Variants in AK9 observed in about 807,000 individuals in gnomAD.
AK9 encodes the protein adenylate kinase domain containing 1.
AK9 carries 191 observed loss-of-function variants against 239.6 expected under a neutral mutation model. That is an observed-to-expected ratio of 0.80 (90% CI 0.71 to 0.90). AK9 has a LOEUF of 0.90. Among genes scored for constraint, AK9 ranks in the 40% least tolerant of loss-of-function variants. The pLI, the probability that AK9 is intolerant of heterozygous loss-of-function variation, is 0.00. For synonymous variants in AK9, 689 were observed against 721.0 expected (o/e 0.96, Z 0.71); for missense variants, 1,995 against 2,214.7 (o/e 0.90, Z 1.99).
intron 8 of AK9, among the ~76,000 whole-genome samples, chr6:109,648,162 A>T (rs1042281539): frequency 2.0e-5 from 3 of 152,202 alleles, no homozygotes; most frequent in Non-Finnish European, 2.9e-5. Context: ...TGACACCCTA[A>T]CATCACAATT....
intron 1 of AK9, among the ~76,000 whole-genome samples, chr6:109,680,945 G>C (rs1772535217): frequency 2.0e-5 from 3 of 152,170 alleles, no homozygotes; most frequent in Non-Finnish European, 4.4e-5. Flanking sequence ...GCTCCTGAAG[G>C]AGGCACTAAA....
intron 28 of AK9, among the ~76,000 whole-genome samples, chr6:109,529,467 T>C (rs1780956192): frequency 6.6e-6 from 1 of 152,202 alleles, no homozygotes. Context: ...CCCAACCATT[T>C]TGGCATGAGG....
At chr6:109,615,538 T>C (rs1270422408) in intron 13 of AK9, among the ~76,000 whole-genome samples, 1 of 152,184 alleles carries the variant, frequency 6.6e-6, no homozygotes, top group Non-Finnish European at 1.5e-5. Context: ...TTTGAAGGTA[T>C]TATACTAAAA....
At chr6:109,509,121 A>C (rs1317822258) in intron 33 of AK9, 58 bp downstream of exon 33, 4 of 1,474,738 alleles carry the variant, frequency 2.7e-6, no homozygotes. Context: ...ATCACGAGCG[A>C]GCAGTTTCTT....
intron 21 of AK9, among the ~76,000 whole-genome samples, chr6:109,569,448 G>A (rs1787077353): frequency 6.6e-6 from 1 of 152,138 alleles, no homozygotes; most frequent in Non-Finnish European, 1.5e-5. Flanking sequence ...TTAAACTAAG[G>A]AGGTTCTGCC....
chr6:109,619,656 C>T (rs1030550264), intron 12 of AK9, among the ~76,000 whole-genome samples: 7 of 151,806 alleles, frequency 4.6e-5, no homozygotes, highest in African/African-American at 1.7e-4. Flanking sequence ...AGATATAGAA[C>T]ATTTGCCGGG....
intron 3 of AK9, among the ~76,000 whole-genome samples, chr6:109,673,432 A>G (rs75631525): frequency 0.047 from 7,130 of 152,030 alleles, 193 homozygotes; most frequent in South Asian, 0.089. Context: ...CTCTTTTCTT[A>G]TATTGTTTAT....
intron 38 of AK9, 45 bp downstream of exon 38, chr6:109,497,420 T>C (rs1777189705): frequency 2.5e-6 from 3 of 1,201,494 alleles, no homozygotes; most frequent in Non-Finnish European, 3.6e-6. Context: ...GCATGTTGCA[T>C]GCAACACAGA....
At position 109,529,000 on chromosome 6, in the gene AK9, A is replaced by C. The variant is rs1582854721; in HGVS notation, c.3633+11T>G. The C allele has an allele frequency of 1.2e-6, 2 of 1,600,956 alleles. No individual in the cohort carries two copies. The highest frequency in any genetic ancestry group is 4.5e-5 in the East Asian group (2 of 44,578). ...AGACCCTGTTTTGAAAAAAAAAACA[A>C]AACTACTTACCTCCCTCCTTTTTTT... On this transcript the variant is annotated intron_variant, in intron 29 of 40. Coordinates refer to ENST00000424296, the MANE Select transcript of AK9 (RefSeq NM_001145128.3).
intron 17 of AK9, among the ~76,000 whole-genome samples, chr6:109,601,491 A>C (rs1262519894): frequency 6.6e-6 from 1 of 152,136 alleles, no homozygotes; most frequent in African/African-American, 2.4e-5. Flanking sequence ...GTGCTTTACT[A>C]CTTCCAACTA....
At chr6:109,683,972 G>A (rs1773069158) in intron 1 of AK9, among the ~76,000 whole-genome samples, 1 of 152,186 alleles carries the variant, frequency 6.6e-6, no homozygotes, top group African/African-American at 2.4e-5. Flanking sequence ...CAAAGCTGGA[G>A]GCATCACGCT....
At chr6:109,510,834 T>TA (rs945274427) in intron 32 of AK9, among the ~76,000 whole-genome samples, 4 of 152,166 alleles carry the variant, frequency 2.6e-5, no homozygotes, top group Admixed American at 2.6e-4. Flanking sequence ...CAATAGATAG[T>TA]AAAAAACAAA....
rs533095380 is a variant in AK9, at chr6:109,521,249, T to G, written c.3634-4607A>C. ...AAAACAAACAGTAAACGGTAATCTC[T>G]TTTGACCCTTGTGATATTTGGTTCC... On this transcript the variant is annotated intron_variant, in intron 29 of 40. Coordinates refer to ENST00000424296, the MANE Select transcript of AK9 (RefSeq NM_001145128.3). Among the ~76,000 whole-genome samples, 3 of 152,198 alleles carry G rather than the reference T, an allele frequency of 2.0e-5. No homozygotes were observed. In the East Asian group the frequency reaches 5.8e-4, roughly 29 times the overall value.
At chr6:109,638,391 G>T (rs925874421) in intron 10 of AK9, among the ~76,000 whole-genome samples, 1 of 152,162 alleles carries the variant, frequency 6.6e-6, no homozygotes, top group African/African-American at 2.4e-5. Flanking sequence ...ATCTTGTTAT[G>T]ATACAGGATA....
intron 8 of AK9, among the ~76,000 whole-genome samples, chr6:109,648,999 T>G (rs1562549727): frequency 6.6e-6 from 1 of 152,232 alleles, no homozygotes; most frequent in African/African-American, 2.4e-5. Flanking sequence ...ACCACATGAT[T>G]ATCTCAACAG....
chr6:109,558,249 A>C (rs1214584663), intron 24 of AK9, among the ~76,000 whole-genome samples: 1 of 152,108 alleles, frequency 6.6e-6, no homozygotes, highest in Non-Finnish European at 1.5e-5. Context: ...ACGAAGGCCA[A>C]TTTATCATTC....
At chr6:109,656,159 T>C (rs1799674871) in intron 8 of AK9, among the ~76,000 whole-genome samples, 1 of 152,218 alleles carries the variant, frequency 6.6e-6, no homozygotes, top group African/African-American at 2.4e-5. Context: ...CACAAATGAT[T>C]ACATTTGGTA....
intron 28 of AK9, among the ~76,000 whole-genome samples, chr6:109,531,699 G>A (rs1162842700): frequency 6.6e-6 from 1 of 152,182 alleles, no homozygotes; most frequent in African/African-American, 2.4e-5. Context: ...AGGCCCCACA[G>A]TGAGACAACA....
intron 6 of AK9, 90 bp from the exon 7 acceptor site, chr6:109,659,503 A>C: frequency 7.0e-7 from 1 of 1,423,894 alleles, no homozygotes; most frequent in Non-Finnish European, 9.2e-7. Context: ...ACAGTACATA[A>C]ACCAAAAAAT....
Sources: allele counts gnomAD v4.1 joint callset (sites outside exome capture counted in the v4.1 genomes callset), GRCh38; gene constraint gnomAD v4.1.1; transcripts MANE v1.5; gene names NCBI Gene and HGNC (gene_info 2026-07-23, HGNC 2026-07-21).